SRRM4: variants seen among roughly 807,000 people sequenced by gnomAD.
SRRM4 encodes the protein serine/arginine repetitive matrix 4.
Under a neutral mutation model 68.9 loss-of-function variants are expected in SRRM4, and 33 were observed. The ratio of observed to expected loss-of-function variants is 0.48; its 90% confidence interval spans 0.36 to 0.64. The LOEUF is 0.64. Among genes scored for constraint, SRRM4 ranks in the 30% least tolerant of loss-of-function variants. The probability of loss-of-function intolerance (pLI) is 0.00; values close to 1 mark genes in which losing one functional copy is unlikely to be tolerated. For missense variants in SRRM4, 817 were observed against 827.1 expected, an observed-to-expected ratio of 0.99 and a Z score of 0.15; for synonymous variants, 318 against 318.8, an observed-to-expected ratio of 1.00 and a Z score of 0.03.
At chr12:119,095,756 C>T (rs1277856824) in intron 1 of SRRM4, among the ~76,000 whole-genome samples, 1 of 151,968 alleles carries the variant, frequency 6.6e-6, no homozygotes, top group Non-Finnish European at 1.5e-5. Context: ...TCCCCCTGTA[C>T]CTCCACTTAT....
intron 2 of SRRM4, among the ~76,000 whole-genome samples, chr12:119,104,055 C>A (rs1034018828): frequency 6.6e-6 from 1 of 152,148 alleles, no homozygotes; most frequent in Non-Finnish European, 1.5e-5. Context: ...GTGTACAAAT[C>A]TTGACCCTGT....
At chr12:119,000,370 G>A (rs975375311) in intron 1 of SRRM4, among the ~76,000 whole-genome samples, 8 of 152,278 alleles carry the variant, frequency 5.3e-5, no homozygotes, top group Non-Finnish European at 1.0e-4. Context: ...TGTAACTGAG[G>A]CATAACACAA....
chr12:119,050,320 C>T (rs151201091), intron 1 of SRRM4, among the ~76,000 whole-genome samples: 63 of 152,316 alleles, frequency 4.1e-4, no homozygotes, highest in African/African-American at 1.5e-3. Context: ...GATCTCCTTT[C>T]AAGAAGTAGT....
At chr12:119,147,203 C>G (rs1349837910) in intron 9 of SRRM4, among the ~76,000 whole-genome samples, 1 of 152,088 alleles carries the variant, frequency 6.6e-6, no homozygotes, top group Non-Finnish European at 1.5e-5. Context: ...GTGAAAGAAG[C>G]CAATGTGAAA....
intron 1 of SRRM4, among the ~76,000 whole-genome samples, chr12:119,034,623 C>T (rs868551526): frequency 1.2e-4 from 19 of 152,062 alleles, no homozygotes; most frequent in African/African-American, 3.6e-4. Flanking sequence ...TTTTATTTTT[C>T]GTAGTGTTTC....
intron 1 of SRRM4, among the ~76,000 whole-genome samples, chr12:119,081,662 C>G (rs1374749946): frequency 1.3e-5 from 2 of 152,220 alleles, no homozygotes; most frequent in African/African-American, 4.8e-5. Context: ...TTCTGGGGAA[C>G]AGGATGCAGG....
At chr12:119,153,898 C>T (rs992950591) in intron 11 of SRRM4, among the ~76,000 whole-genome samples, 1 of 152,088 alleles carries the variant, frequency 6.6e-6, no homozygotes, top group African/African-American at 2.4e-5. Flanking sequence ...AGCCCTCAGC[C>T]TCTACAGACC....
At chr12:119,008,938 A>G (rs1953432020) in intron 1 of SRRM4, among the ~76,000 whole-genome samples, 1 of 151,900 alleles carries the variant, frequency 6.6e-6, no homozygotes. Context: ...CCTGTCTGCC[A>G]TCTGGTCCCC....
chr12:119,030,176 C>G (rs1382237298), intron 1 of SRRM4, among the ~76,000 whole-genome samples: 3 of 152,192 alleles, frequency 2.0e-5, no homozygotes, highest in African/African-American at 7.2e-5. Context: ...TCAAAATCCC[C>G]TCTACTGCCC....
chr12:119,038,193 C>T (rs1462654696), intron 1 of SRRM4, among the ~76,000 whole-genome samples: 1 of 139,912 alleles, frequency 7.1e-6, no homozygotes, highest in East Asian at 2.1e-4. Flanking sequence ...ATTCTTTATC[C>T]TTGAAATTAA....
chr12:119,087,520 A>C (rs909367597), intron 1 of SRRM4, among the ~76,000 whole-genome samples: 1 of 152,202 alleles, frequency 6.6e-6, no homozygotes, highest in South Asian at 2.1e-4. Flanking sequence ...ATCATTGCAA[A>C]TTCCAAATTA....
intron 3 of SRRM4, among the ~76,000 whole-genome samples, chr12:119,114,957 C>A (rs749959454): frequency 2.6e-5 from 4 of 151,796 alleles, no homozygotes; most frequent in Non-Finnish European, 5.9e-5. Context: ...AACCACCGCG[C>A]CTGGCCGGAA....
chr12:119,080,356 CAT>C (rs36068482), intron 1 of SRRM4, among the ~76,000 whole-genome samples: 86,688 of 151,592 alleles, frequency 0.57, 25,776 homozygotes, highest in Middle Eastern at 0.75. Context: ...ATATAATTAA[CAT>C]ATATATATTG....
rs115991926 is a variant in SRRM4, at chr12:119,013,173, A to G, written c.131+31160A>G. 4.0e-3 allele frequency among the ~76,000 whole-genome samples: 616 copies of G among 152,298 alleles called. 6 individuals are homozygous for G. Among genetic ancestry groups the G allele is most frequent in the African/African-American group, 0.014 (579 of 41,576 alleles). On this transcript the variant is annotated intron_variant, in intron 1 of 12. Transcript: ENST00000267260. ...AGTAACAAACAAAATTTTGGAGTCAATCAGGCTGTTTCCTTTCTGTACCAT... is the reference window on the plus strand; with the variant it reads ...AGTAACAAACAAAATTTTGGAGTCAGTCAGGCTGTTTCCTTTCTGTACCAT...
In SRRM4 at chr12:119,162,827, C is replaced by G. The variant is rs1324959481; in HGVS notation, c.*6029C>G. ...AGGACCCACCATGAGCCCAGCTCAGCCTGACCAGACAGCCTCTGCCTGGAG... is the reference window on the plus strand; with the variant it reads ...AGGACCCACCATGAGCCCAGCTCAGGCTGACCAGACAGCCTCTGCCTGGAG... On this transcript the variant is annotated 3_prime_UTR_variant, in exon 13 of 13. Transcript: ENST00000267260. 6.6e-6 allele frequency: 1 copy of G among 152,264 alleles called. No individual in the cohort carries two copies. Among genetic ancestry groups the G allele is most frequent in the African/African-American group, 2.4e-5 (1 of 41,442 alleles). The allele number at this position is 152,264 out of a possible 1,614,324, so 9.4% of individuals were successfully genotyped here. A position where few individuals can be genotyped will look rare whatever the true frequency, so the allele number is the denominator to read the frequency against.
chr12:119,024,379 T>G (rs1953534792), intron 1 of SRRM4, among the ~76,000 whole-genome samples: 2 of 152,216 alleles, frequency 1.3e-5, no homozygotes, highest in African/African-American at 4.8e-5. Flanking sequence ...CTCTGTGTTG[T>G]TGAATTCTAG....
At chr12:119,016,914 C>A (rs899410739) in intron 1 of SRRM4, among the ~76,000 whole-genome samples, 1 of 152,144 alleles carries the variant, frequency 6.6e-6, no homozygotes, top group Non-Finnish European at 1.5e-5. Flanking sequence ...TGTTTCTGCA[C>A]CTCAGTTTTC....
intron 8 of SRRM4, among the ~76,000 whole-genome samples, chr12:119,137,479 G>A (rs1019475142): frequency 3.3e-5 from 5 of 152,060 alleles, no homozygotes; most frequent in Non-Finnish European, 5.9e-5. Flanking sequence ...CCAGTGAAAC[G>A]CCAGGGAGCT....
chr12:119,017,469 C>G (rs554121234), intron 1 of SRRM4, among the ~76,000 whole-genome samples: 4 of 152,184 alleles, frequency 2.6e-5, no homozygotes, highest in Non-Finnish European at 5.9e-5. Context: ...GCTGAAGACT[C>G]AGCATATACT....
Sources: allele counts gnomAD v4.1 joint callset (sites outside exome capture counted in the v4.1 genomes callset), GRCh38; gene constraint gnomAD v4.1.1; transcripts MANE v1.5; gene names NCBI Gene and HGNC (gene_info 2026-07-23, HGNC 2026-07-21).